The following CYP2C19 variants were observed in gnomAD, a reference collection of about 807,000 sequenced individuals.
CYP2C19 encodes the protein cytochrome P450 2C19.
In CYP2C19, 59 loss-of-function variants were observed where a neutral mutation model predicts 40.9. The ratio of observed to expected loss-of-function variants is 1.44; its 90% CI spans 1.17 to 1.79. The LOEUF is 1.79. Ranked by LOEUF, CYP2C19 falls within the 40% of genes most tolerant of loss-of-function variation. CYP2C19 has a pLI of 0.00. For synonymous variants in CYP2C19, 253 were observed against 208.7 expected (o/e 1.21, Z -1.83); for missense variants, 754 against 596.9 (o/e 1.26, Z -2.74).
intron 5 of CYP2C19, among the ~76,000 whole-genome samples, chr10:94,790,386 A>T (rs934623538): frequency 3.3e-5 from 5 of 152,112 alleles, no homozygotes; most frequent in African/African-American, 4.8e-5. Context: ...TATTATATTG[A>T]ATAGGAGTGG....
At chr10:94,763,551 A>G (rs568187198) in intron 1 of CYP2C19, among the ~76,000 whole-genome samples, 1 of 152,238 alleles carries the variant, frequency 6.6e-6, no homozygotes, top group South Asian at 2.1e-4. Context: ...AATACACCTC[A>G]TTGTGTAGTT....
At chr10:94,773,976 C>T (rs1848370906) in intron 1 of CYP2C19, 1 of 152,142 alleles carries the variant, frequency 6.6e-6, no homozygotes, top group Non-Finnish European at 1.5e-5. Context: ...GGTGTGTTTA[C>T]AAACTTTTAG....
chr10:94,799,077 A>G (rs1416493367), intron 5 of CYP2C19, among the ~76,000 whole-genome samples: 5 of 151,800 alleles, frequency 3.3e-5, no homozygotes, highest in South Asian at 2.1e-4. Flanking sequence ...CTGTTAGTTG[A>G]TGCAGTTTTT....
At chr10:94,808,962 G>A (rs1466344729) in intron 5 of CYP2C19, among the ~76,000 whole-genome samples, 1 of 152,124 alleles carries the variant, frequency 6.6e-6, no homozygotes, top group African/African-American at 2.4e-5. Flanking sequence ...CAGTGGGATT[G>A]CTGGGTCATT....
In CYP2C19 at chr10:94,850,036, C is replaced by T. The variant is rs758626485; in HGVS notation, c.1269C>T (p.Asn423=). 5 of 1,613,564 alleles carry T rather than the reference C, an allele frequency of 3.1e-6. No homozygotes were observed. The highest frequency in any genetic ancestry group is 4.2e-6 in the Non-Finnish European group (5 of 1,179,640). The change falls in exon 8 of 9, where the codon AAC becomes AAT. Residue 423 remains asparagine, a synonymous_variant. Transcript: ENST00000371321. ...AAGGTGGAAATTTTAAGAAAAGTAACTACTTCATGCCTTTCTCAGCAGGTA... is the reference window on the plus strand; with the variant it reads ...AAGGTGGAAATTTTAAGAAAAGTAATTACTTCATGCCTTTCTCAGCAGGTA... ...LDEGGNFKKS[N]YFMPFSAGKR... is the part of the protein sequence containing the mutation.
chr10:94,812,111 T>A (rs1274215898), intron 5 of CYP2C19, among the ~76,000 whole-genome samples: 1 of 152,318 alleles, frequency 6.6e-6, no homozygotes, highest in East Asian at 1.9e-4. Context: ...CTGTAAAGGA[T>A]GTTATTTCTC....
intron 6 of CYP2C19, among the ~76,000 whole-genome samples, chr10:94,831,927 G>T (rs898840170): frequency 2.0e-5 from 3 of 152,066 alleles, no homozygotes; most frequent in Non-Finnish European, 4.4e-5. Flanking sequence ...ATTTGTCCAT[G>T]TTTGCTTTGA....
At chr10:94,832,481 G>A (rs1275247200) in intron 6 of CYP2C19, among the ~76,000 whole-genome samples, 1 of 152,140 alleles carries the variant, frequency 6.6e-6, no homozygotes, top group Non-Finnish European at 1.5e-5. Flanking sequence ...CTTGTACTTG[G>A]GGTGTGGGGA....
At chr10:94,769,565 T>A (rs749846356) in intron 1 of CYP2C19, among the ~76,000 whole-genome samples, 6 of 152,162 alleles carry the variant, frequency 3.9e-5, no homozygotes, top group Non-Finnish European at 5.9e-5. Flanking sequence ...CATTGATGAG[T>A]ATAAGATCTT....
intron 7 of CYP2C19, among the ~76,000 whole-genome samples, chr10:94,847,102 G>T (rs1205308881): frequency 6.6e-6 from 1 of 151,200 alleles, no homozygotes; most frequent in Non-Finnish European, 1.5e-5. Flanking sequence ...TATACTGTAA[G>T]TTTTAGGGTA....
Position 94,825,978 on chromosome 10 carries a change from C to T in CYP2C19, c.961+5341C>T, listed in dbSNP as rs1347447571. ...AGATCAGATAGTTGTAGATATGTGGCGTTATTTCTGAGGGCTCTGTTCTGT... is the reference window on the plus strand; with the variant it reads ...AGATCAGATAGTTGTAGATATGTGGTGTTATTTCTGAGGGCTCTGTTCTGT... On this transcript the variant is annotated intron_variant, in intron 6 of 8. Coordinates refer to ENST00000371321, the MANE Select transcript of CYP2C19 (RefSeq NM_000769.4). Among the ~76,000 whole-genome samples the T allele has an allele frequency of 6.0e-5, 9 of 150,090 alleles. No individual in the cohort carries two copies. In the East Asian group the frequency reaches 1.6e-3, roughly 26 times the overall value.
intron 5 of CYP2C19, among the ~76,000 whole-genome samples, chr10:94,809,985 G>A (rs555224050): frequency 6.6e-6 from 1 of 152,044 alleles, no homozygotes; most frequent in African/African-American, 2.4e-5. Context: ...AGATTCAAGT[G>A]TTTCTCCTGC....
chr10:94,785,402 A>G (rs745675494), intron 5 of CYP2C19, among the ~76,000 whole-genome samples: 7 of 152,064 alleles, frequency 4.6e-5, no homozygotes, highest in Non-Finnish European at 8.8e-5. Flanking sequence ...TTGACTCATC[A>G]CCATTTGTTG....
rs1386785916 is a variant in CYP2C19 at position 94,852,927 on chromosome 10, G to A, written c.*13G>A. ...CATTCCTGTCTGAAGAAGCACAGAT[G>A]GTCTGGCTGCTCCTGTGCTGTCCCT... On this transcript the variant is annotated 3_prime_UTR_variant, in exon 9 of 9. Transcript: ENST00000371321. 2 of 1,613,648 alleles carry A rather than the reference G, an allele frequency of 1.2e-6. No individual in the cohort carries two copies. Among genetic ancestry groups the A allele is most frequent in the Admixed American group, 3.3e-5 (2 of 59,954 alleles).
chr10:94,843,159 G>T, intron 7 of CYP2C19, 135 bp downstream of exon 7: 1 of 1,062,932 alleles, frequency 9.4e-7, no homozygotes, highest in Non-Finnish European at 1.4e-6. Context: ...TGGACTTTCT[G>T]TTGATTCCAG....
intron 6 of CYP2C19, among the ~76,000 whole-genome samples, chr10:94,830,228 G>A (rs539019580): frequency 2.0e-4 from 31 of 152,358 alleles, no homozygotes; most frequent in Non-Finnish European, 3.7e-4. Flanking sequence ...TCAAGCATGG[G>A]CAATGGCGGG....
At chr10:94,782,092 G>A in intron 5 of CYP2C19, 95 bp downstream of exon 5, 1 of 1,005,838 alleles carries the variant, frequency 9.9e-7, no homozygotes, top group Non-Finnish European at 1.4e-6. Flanking sequence ...AACAGGTCAA[G>A]GAGTAATGCT....
rs9663206 is a variant in CYP2C19, at chr10:94,794,128, C to T, written c.819+12131C>T. Among the ~76,000 whole-genome samples the T allele has an allele frequency of 9.2e-3, 1,401 of 152,204 alleles. 23 individuals are homozygous for T. The highest frequency in any genetic ancestry group is 0.064 in the East Asian group (333 of 5,174). On this transcript the variant is annotated intron_variant, in intron 5 of 8. Coordinates refer to ENST00000371321, the MANE Select transcript of CYP2C19 (RefSeq NM_000769.4). Reference sequence around the variant, plus strand: ...CTCAGACTGCTGTGCTAGCATTGAGCGAGGTTCTGTGGGCATGGGACCCTC... The same window carrying T: ...CTCAGACTGCTGTGCTAGCATTGAGTGAGGTTCTGTGGGCATGGGACCCTC...
intron 6 of CYP2C19, among the ~76,000 whole-genome samples, chr10:94,831,581 G>T (rs547497837): frequency 6.6e-6 from 1 of 152,166 alleles, no homozygotes; most frequent in East Asian, 1.9e-4. Flanking sequence ...CCTGTCTTTT[G>T]GATATAAGCC....
Sources: gnomAD v4.1 joint callset for allele counts (sites outside exome capture counted in the v4.1 genomes callset) on GRCh38, gnomAD v4.1.1 for gene constraint, MANE v1.5 for transcripts, NCBI Gene and HGNC (gene_info 2026-07-23, HGNC 2026-07-21) for gene names.